Variants in TMEM108 observed in about 807,000 individuals in gnomAD.
TMEM108 encodes the protein transmembrane protein 108, also known as cancer/testis antigen 124.
Under a neutral mutation model 35.1 loss-of-function variants are expected in TMEM108, and 12 were observed. The observed-to-expected ratio is 0.34, with a 90% confidence interval of 0.22 to 0.55. TMEM108 has a LOEUF of 0.55. TMEM108 is among the 20% of genes least tolerant of loss of function. The pLI is 0.89. For synonymous variants in TMEM108, 287 were observed against 308.6 expected (o/e 0.93, Z 0.73); for missense variants, 680 against 753.3 (o/e 0.90, Z 1.14).
At chr3:133,068,748 G>A (rs1943641228) in intron 2 of TMEM108, among the ~76,000 whole-genome samples, 1 of 152,110 alleles carries the variant, frequency 6.6e-6, no homozygotes, top group Admixed American at 6.6e-5. Context: ...TATAAAGTGG[G>A]GTCCTTGTCC....
chr3:133,318,590 A>C (rs1051963790), intron 3 of TMEM108, among the ~76,000 whole-genome samples: 33 of 152,330 alleles, frequency 2.2e-4, no homozygotes, highest in African/African-American at 7.7e-4. Flanking sequence ...TTTTTACTCT[A>C]AAAATCTCTC....
intron 2 of TMEM108, among the ~76,000 whole-genome samples, chr3:133,109,826 G>A (rs1168552306): frequency 6.6e-6 from 1 of 152,146 alleles, no homozygotes; most frequent in Non-Finnish European, 1.5e-5. Flanking sequence ...ATGATTTGTA[G>A]CATATTCTTA....
At chr3:133,130,372 T>G (rs1320827484) in intron 2 of TMEM108, among the ~76,000 whole-genome samples, 2 of 152,196 alleles carry the variant, frequency 1.3e-5, no homozygotes, top group Admixed American at 6.5e-5. Context: ...CGCCTCAGCA[T>G]CAGCTGGGTT....
At chr3:133,051,769 G>A (rs1027459475) in intron 2 of TMEM108, among the ~76,000 whole-genome samples, 2 of 152,080 alleles carry the variant, frequency 1.3e-5, no homozygotes, top group African/African-American at 4.8e-5. Context: ...TTGCTTTGTT[G>A]TACTGCCTTT....
chr3:133,376,438 G>A (rs1371990432), intron 3 of TMEM108, among the ~76,000 whole-genome samples: 4 of 152,016 alleles, frequency 2.6e-5, no homozygotes, highest in East Asian at 1.9e-4. Context: ...GAGATTCCCC[G>A]GGCCCTTAAT....
chr3:133,193,337 A>G (rs1041341048), intron 2 of TMEM108, among the ~76,000 whole-genome samples: 3 of 152,232 alleles, frequency 2.0e-5, no homozygotes, highest in African/African-American at 4.8e-5. Flanking sequence ...TAATTCAATG[A>G]ATGAAAAGCA....
intron 2 of TMEM108, among the ~76,000 whole-genome samples, chr3:133,064,543 A>G (rs1376757091): frequency 6.6e-6 from 1 of 152,142 alleles, no homozygotes; most frequent in Admixed American, 6.6e-5. Flanking sequence ...TTCCTTTACA[A>G]GGATATTGTA....
intron 3 of TMEM108, among the ~76,000 whole-genome samples, chr3:133,250,216 T>C (rs1195359014): frequency 6.6e-6 from 1 of 152,142 alleles, no homozygotes; most frequent in African/African-American, 2.4e-5. Context: ...CACTTCTATG[T>C]GAATTTTCTC....
At chr3:133,212,519 AC>A (rs1405941173) in intron 2 of TMEM108, among the ~76,000 whole-genome samples, 1 of 152,134 alleles carries the variant, frequency 6.6e-6, no homozygotes, top group Non-Finnish European at 1.5e-5. Flanking sequence ...TATTTCTTGT[AC>A]AAAGTATAAA....
At chr3:133,146,591 T>G (rs1241465694) in intron 2 of TMEM108, among the ~76,000 whole-genome samples, 1 of 152,178 alleles carries the variant, frequency 6.6e-6, no homozygotes, top group Non-Finnish European at 1.5e-5. Flanking sequence ...ATCTGTCTGG[T>G]CATGGGCTTT....
chr3:133,080,697 A>G (rs1943798031), intron 2 of TMEM108, among the ~76,000 whole-genome samples: 1 of 152,234 alleles, frequency 6.6e-6, no homozygotes, highest in Non-Finnish European at 1.5e-5. Context: ...AGCTGAAATT[A>G]GTAGACACTT....
chr3:133,291,508 G>A (rs1233425890), intron 3 of TMEM108, among the ~76,000 whole-genome samples: 1 of 151,964 alleles, frequency 6.6e-6, no homozygotes, highest in Non-Finnish European at 1.5e-5. Flanking sequence ...AAACTCCTGG[G>A]CTCAAATGAT....
intron 3 of TMEM108, among the ~76,000 whole-genome samples, chr3:133,245,777 T>C (rs1029433077): frequency 6.6e-6 from 1 of 152,222 alleles, no homozygotes; most frequent in Admixed American, 6.5e-5. Context: ...GTTGGCCCAG[T>C]CTAATGGACA....
intron 2 of TMEM108, among the ~76,000 whole-genome samples, chr3:133,148,341 C>G (rs912812068): frequency 6.6e-6 from 1 of 152,104 alleles, no homozygotes; most frequent in African/African-American, 2.4e-5. Flanking sequence ...ATGGCCAAAG[C>G]TAGGCAAATA....
chr3:133,341,027 T>G (rs940508890), intron 3 of TMEM108, among the ~76,000 whole-genome samples: 1 of 151,828 alleles, frequency 6.6e-6, no homozygotes. Context: ...CACTTCCACA[T>G]TGTTATTCAA....
chr3:133,119,110 C>T (rs1413501064), intron 2 of TMEM108: 2 of 152,090 alleles, frequency 1.3e-5, no homozygotes, highest in Admixed American at 1.3e-4. Flanking sequence ...CTGGAAACGG[C>T]ATTTTCGCAT....
intron 2 of TMEM108, among the ~76,000 whole-genome samples, chr3:133,145,365 G>A (rs1944703309): frequency 6.6e-6 from 1 of 152,156 alleles, no homozygotes; most frequent in South Asian, 2.1e-4. Flanking sequence ...GGTTACTGTA[G>A]CCTTGTAGTG....
chr3:133,235,025 C>T (rs1345358126), intron 3 of TMEM108, among the ~76,000 whole-genome samples: 4 of 151,932 alleles, frequency 2.6e-5, no homozygotes, highest in African/African-American at 7.3e-5. Context: ...GAATAAAATA[C>T]CTAGGAATCC....
chr3:133,045,648 A>G (rs1332190731), intron 1 of TMEM108, among the ~76,000 whole-genome samples: 1 of 152,230 alleles, frequency 6.6e-6, no homozygotes, highest in Non-Finnish European at 1.5e-5. Context: ...CCATAGGGCA[A>G]CCTTGGAAAT....
Sources: gnomAD v4.1 joint callset for allele counts (sites outside exome capture counted in the v4.1 genomes callset) on GRCh38, gnomAD v4.1.1 for gene constraint, MANE v1.5 for transcripts, NCBI Gene and HGNC (gene_info 2026-07-23, HGNC 2026-07-21) for gene names.